The following RASA3 variants were observed in gnomAD, a reference collection of about 807,000 sequenced individuals.
The protein encoded by RASA3 is ras GTPase-activating protein 3.
A neutral mutation model predicts 110.0 loss-of-function variants in RASA3; 73 were observed. The observed-to-expected ratio is 0.66, with a 90% CI of 0.55 to 0.81. The LOEUF (loss-of-function observed/expected upper bound fraction) is 0.81. RASA3 is among the 30% of genes least tolerant of loss of function. The pLI, the probability that RASA3 is intolerant of heterozygous loss-of-function variation, is 0.00. For missense variants in RASA3, 976 were observed against 1,113.2 expected (o/e 0.88, Z 1.75); for synonymous variants, 500 against 451.4 (o/e 1.11, Z -1.37).
intron 2 of RASA3, among the ~76,000 whole-genome samples, chr13:114,052,774 G>T (rs1014611759): frequency 1.2e-4 from 17 of 142,584 alleles, no homozygotes; most frequent in Admixed American, 1.2e-3. Context: ...GCTCCTGGGG[G>T]AGAGACCCCC....
At chr13:114,041,660 AAC>A (rs1368807339) in intron 3 of RASA3, among the ~76,000 whole-genome samples, 2 of 152,230 alleles carry the variant, frequency 1.3e-5, no homozygotes, top group Non-Finnish European at 2.9e-5. Context: ...GACAGCCTGA[AAC>A]ACACGTGTGC....
chr13:114,078,179 T>A (rs1310137080), intron 1 of RASA3, among the ~76,000 whole-genome samples: 1 of 152,100 alleles, frequency 6.6e-6, no homozygotes, highest in African/African-American at 2.4e-5. Flanking sequence ...GGACCGAGCC[T>A]CTCCCTGCAG....
In RASA3 at chr13:114,014,549, G is replaced by A. The variant is rs1341803767; in HGVS notation, c.1405+660C>T. ...CAAGGCCCTCGCTGAGCCTCTCAGC[G>A]CCCCATACATAGCCTGAGTCCTGGC... On this transcript the variant is annotated intron_variant, in intron 14 of 23. Coordinates refer to ENST00000334062, the MANE Select transcript of RASA3 (RefSeq NM_007368.4). This position sits in a 1 kb window ranked among gnomAD's most constrained non-coding sequence, Gnocchi z 4.5. 3.9e-5 allele frequency among the ~76,000 whole-genome samples: 6 copies of A among 152,272 alleles called. No individual in the cohort carries two copies. The highest frequency in any genetic ancestry group is 3.4e-3 in the Middle Eastern group (1 of 294).
At chr13:114,094,879 C>A (rs758668188) in intron 1 of RASA3, among the ~76,000 whole-genome samples, 1 of 152,186 alleles carries the variant, frequency 6.6e-6, no homozygotes, top group Non-Finnish European at 1.5e-5. Flanking sequence ...CGGGCTCCCC[C>A]GCTCCAGAAT....
At chr13:114,072,020 C>G (rs960557544) in intron 2 of RASA3, among the ~76,000 whole-genome samples, 1 of 152,192 alleles carries the variant, frequency 6.6e-6, no homozygotes, top group South Asian at 2.1e-4. Context: ...CTCTGATCCC[C>G]AAGCCGCTCC....
At chr13:114,004,443 T>C (rs114345914) in intron 18 of RASA3, among the ~76,000 whole-genome samples, 181 of 151,110 alleles carry the variant, frequency 1.2e-3, no homozygotes, top group African/African-American at 4.2e-3. Flanking sequence ...AGAAGACAAA[T>C]GGCCAACAAG....
At chr13:114,077,030 TG>T (rs1160972736) in intron 1 of RASA3, among the ~76,000 whole-genome samples, 1 of 152,028 alleles carries the variant, frequency 6.6e-6, no homozygotes, top group African/African-American at 2.4e-5. Flanking sequence ...GATATTTAGC[TG>T]TAAGTTCCTG....
rs1555343917 is a variant in RASA3, at chr13:114,112,105, C to CG, written c.55+20329_55+20330insC. On this transcript the variant is annotated intron_variant, in intron 1 of 23. Coordinates refer to ENST00000334062, the MANE Select transcript of RASA3 (RefSeq NM_007368.4). The surrounding 1 kb of genome is among the most constrained non-coding windows in gnomAD (Gnocchi z 4.8). Reference sequence around the variant, plus strand: ...GAAACAGCAGCCCCCAGGCACCCCCCCCAGCAACTGGGACAAGGGCACACC... The same window carrying CG: ...GAAACAGCAGCCCCCAGGCACCCCCCGCCAGCAACTGGGACAAGGGCACACC... Among the ~76,000 whole-genome samples, 3 of 151,740 alleles carry CG rather than the reference C, an allele frequency of 2.0e-5. No homozygotes were observed. Among genetic ancestry groups the CG allele is most frequent in the Admixed American group, 6.6e-5 (1 of 15,234 alleles).
chr13:114,125,539 A>C (rs1400591245), intron 1 of RASA3, among the ~76,000 whole-genome samples: 2 of 152,030 alleles, frequency 1.3e-5, no homozygotes, highest in Non-Finnish European at 2.9e-5. Context: ...ATATAAATCC[A>C]CCCTCAAGAT....
intron 1 of RASA3, among the ~76,000 whole-genome samples, chr13:114,076,835 A>G (rs1162853872): frequency 6.6e-6 from 1 of 152,202 alleles, no homozygotes; most frequent in Non-Finnish European, 1.5e-5. Context: ...TGCAGCAGAT[A>G]GAAGTCCTTA....
rs71449038 is a variant in RASA3, at chr13:113,981,629, G to A, written c.2429+46C>T. 0.36 allele frequency: 561,745 copies of A among 1,547,664 alleles called. 102,909 individuals are homozygous for A. The highest frequency in any genetic ancestry group is 0.39 in the Admixed American group (22,505 of 58,392). On this transcript the variant is annotated intron_variant, in intron 23 of 23. Transcript: ENST00000334062. ...AGCCCCACCCCCACTGCAATCTCCC[G>A]CCCACTACACTGGCCGTCCAGGGCA...
intron 1 of RASA3, among the ~76,000 whole-genome samples, chr13:114,111,632 A>T (rs947329701): frequency 6.6e-6 from 1 of 152,262 alleles, no homozygotes; most frequent in East Asian, 1.9e-4. Context: ...TAACGGGCTG[A>T]GCCTCTAAGG....
At chr13:114,042,093 T>C (rs1301304611) in intron 3 of RASA3, among the ~76,000 whole-genome samples, 1 of 152,276 alleles carries the variant, frequency 6.6e-6, no homozygotes, top group African/African-American at 2.4e-5. Flanking sequence ...GATTTATATG[T>C]GTAAATTCGC....
At chr13:114,079,001 G>C (rs754626569) in intron 1 of RASA3, among the ~76,000 whole-genome samples, 3 of 152,218 alleles carry the variant, frequency 2.0e-5, no homozygotes, top group Non-Finnish European at 4.4e-5. Context: ...CCTCAGGCGG[G>C]GCTGGCCTCA....
chr13:114,106,635 G>A (rs1245711020), intron 1 of RASA3, among the ~76,000 whole-genome samples: 6 of 152,194 alleles, frequency 3.9e-5, no homozygotes, highest in Non-Finnish European at 7.3e-5. Flanking sequence ...CACGCTTCCC[G>A]CTCCGGAGCA....
intron 1 of RASA3, among the ~76,000 whole-genome samples, chr13:114,080,665 G>A (rs374130998): frequency 7.9e-5 from 3 of 38,080 alleles, no homozygotes; most frequent in Non-Finnish European, 1.3e-4. Context: ...CCCCGACAAC[G>A]GCTGAAACAG....
rs930398328 is a variant in RASA3 at position 114,057,427 on chromosome 13, A to G, written c.174-5272T>C. ...CGGCCGTGCTACAGGCCTTGCACTC[A>G]TTTTAATGAAGGCTCTGCAGGATTT... On this transcript the variant is annotated intron_variant, in intron 2 of 23. Transcript: ENST00000334062. This position sits in a 1 kb window ranked among gnomAD's most constrained non-coding sequence, Gnocchi z 5.0. 7 of 985,276 alleles carry G rather than the reference A, an allele frequency of 7.1e-6. No individual in the cohort carries two copies. In the African/African-American group the frequency reaches 1.2e-4, roughly 17 times the overall value. The allele number at this position is 985,276 out of a possible 1,614,324, so 61.0% of individuals were successfully genotyped here.
chr13:114,082,643 A>G (rs1379657451), intron 1 of RASA3, among the ~76,000 whole-genome samples: 2 of 152,162 alleles, frequency 1.3e-5, no homozygotes, highest in Non-Finnish European at 2.9e-5. Flanking sequence ...GGGCAGCCCC[A>G]GAGAAGGAAT....
At chr13:114,066,466 C>G (rs527615598) in intron 2 of RASA3, among the ~76,000 whole-genome samples, 1 of 152,272 alleles carries the variant, frequency 6.6e-6, no homozygotes, top group Admixed American at 6.5e-5. Context: ...GGCCTTTGCT[C>G]CTCATGGGAT....
Sources: gnomAD v4.1 joint callset for allele counts (sites outside exome capture counted in the v4.1 genomes callset) on GRCh38, gnomAD v4.1.1 for gene constraint, Gnocchi (gnomAD v3.1) non-coding constraint, MANE v1.5 for transcripts, NCBI Gene and HGNC (gene_info 2026-07-23, HGNC 2026-07-21) for gene names.